The following VWF variants were observed in gnomAD, a reference collection of about 807,000 sequenced individuals.
The protein encoded by VWF is von Willebrand factor, also known as Factor VIII related antigen.
VWF carries 176 observed loss-of-function variants against 308.6 expected under a neutral mutation model. The observed-to-expected ratio is 0.57, with a 90% CI of 0.50 to 0.65. VWF has a LOEUF of 0.65. Among genes scored for constraint, VWF ranks in the 30% least tolerant of loss-of-function variants. The pLI, the probability that VWF is intolerant of heterozygous loss-of-function variation, is 0.00. For missense variants in VWF, 3,146 were observed against 3,648.2 expected, an observed-to-expected ratio of 0.86 and a Z score of 3.55; for synonymous variants, 1,385 against 1,443.4, an observed-to-expected ratio of 0.96 and a Z score of 0.92.
chr12:6,047,488 C>G (rs768634672), intron 16 of VWF, among the ~76,000 whole-genome samples: 1 of 152,206 alleles, frequency 6.6e-6, no homozygotes, highest in Non-Finnish European at 1.5e-5. Flanking sequence ...CTGCCACTGT[C>G]TTCTCCCTCA....
At chr12:6,006,192 T>A (rs548676711) in intron 34 of VWF, among the ~76,000 whole-genome samples, 1 of 152,162 alleles carries the variant, frequency 6.6e-6, no homozygotes, top group African/African-American at 2.4e-5. Context: ...TAGACTGTTA[T>A]AAGTATAGGC....
chr12:5,986,613 A>G (rs925829585), intron 38 of VWF, among the ~76,000 whole-genome samples: 5 of 152,108 alleles, frequency 3.3e-5, no homozygotes, highest in Admixed American at 2.6e-4. Context: ...CCCTTCCCCC[A>G]AAGTGCCCTG....
chr12:5,964,252 ATACATACATACATACATACATG>A (rs1943366114), intron 47 of VWF, among the ~76,000 whole-genome samples: 1 of 131,784 alleles, frequency 7.6e-6, no homozygotes, highest in African/African-American at 3.0e-5. Context: ...ACATACATGC[ATACATACATACATACATACATG>A]CATACATACA....
intron 6 of VWF, among the ~76,000 whole-genome samples, chr12:6,093,342 C>G (rs1565387048): frequency 6.6e-6 from 1 of 152,152 alleles, no homozygotes; most frequent in Non-Finnish European, 1.5e-5. Context: ...GGAGTTCCAC[C>G]TCCTTACCCA....
rs746949713 is a variant in VWF at position 6,111,013 on chromosome 12, A to G, written c.221-45T>C. ...ATAGTAGTGATTATTACTCCTCTCA[A>G]AAAATGAATACATTGATTAAGAATC... On this transcript the variant is annotated intron_variant, in intron 3 of 51. Coordinates refer to ENST00000261405, the MANE Select transcript of VWF (RefSeq NM_000552.5). The G allele has an allele frequency of 3.4e-6, 5 of 1,491,648 alleles. No homozygotes were observed. The South Asian group carries it at 5.6e-5, about 17-fold the overall frequency. 92.4% of individuals were successfully genotyped at this position (1,491,648 alleles called of 1,614,324 possible). A position where few individuals can be genotyped will look rare whatever the true frequency, so the allele number is the denominator to read the frequency against.
At chr12:6,113,478 T>C (rs1376696740) in intron 3 of VWF, among the ~76,000 whole-genome samples, 1 of 152,100 alleles carries the variant, frequency 6.6e-6, no homozygotes, top group Non-Finnish European at 1.5e-5. Context: ...GTTGTATTTT[T>C]AGTACAGATG....
intron 5 of VWF, among the ~76,000 whole-genome samples, chr12:6,097,308 G>A (rs895531984): frequency 6.6e-6 from 1 of 152,020 alleles, no homozygotes; most frequent in Admixed American, 6.6e-5. Context: ...ATGGTGGCAC[G>A]TGCCTGTAAT....
chr12:6,053,015 TC>T (rs1208855700), intron 15 of VWF, among the ~76,000 whole-genome samples: 3 of 152,232 alleles, frequency 2.0e-5, no homozygotes, highest in African/African-American at 4.8e-5. Context: ...GTCATCAACT[TC>T]CTTTCCCACT....
chr12:5,964,012 T>A (rs12307883), intron 47 of VWF, among the ~76,000 whole-genome samples: 2 of 151,706 alleles, frequency 1.3e-5, no homozygotes, highest in African/African-American at 2.4e-5. Flanking sequence ...TTGAGACCAT[T>A]CTGGTTAACA....
intron 3 of VWF, among the ~76,000 whole-genome samples, chr12:6,114,837 A>G (rs989089406): frequency 2.6e-5 from 4 of 152,046 alleles, no homozygotes; most frequent in Non-Finnish European, 4.4e-5. Flanking sequence ...CCTGAAGGGG[A>G]TGATTCAGGT....
At position 5,976,194 on chromosome 12, in the gene VWF, T is replaced by G; in HGVS notation, c.7354A>C (p.Thr2452Pro). 6.2e-7 allele frequency: 1 copy of G among 1,614,094 alleles called. No individual in the cohort carries two copies. The highest frequency in any genetic ancestry group is 8.5e-7 in the Non-Finnish European group (1 of 1,180,018). ...QFWEEGCDVC[T>P]CTDMEDAVMG... The stretch of plus-strand genomic sequence containing the variant: ...ACGGCATCCTCCATGTCGGTGCAGG[T>G]GCACACATCGCAGCCCTCCTCCCAG... Residue 2452 changes from threonine (T) to proline (P), a missense_variant, in exon 43 of 52, where the codon ACC becomes CCC. By Grantham distance (38) the Thr-to-Pro change is conservative (BLOSUM62 -1). Coordinates refer to ENST00000261405, the MANE Select transcript of VWF (RefSeq NM_000552.5).
Position 6,103,439 on chromosome 12 carries a change from TATAC to T in VWF, c.532+6931_532+6934del, listed in dbSNP as rs1280796006. Among the ~76,000 whole-genome samples, 102 of 125,838 alleles carry T rather than the reference TATAC, an allele frequency of 8.1e-4. 10 individuals are homozygous for T. The highest frequency in any genetic ancestry group is 3.4e-3 in the African/African-American group (92 of 27,002). The allele number at this position is 125,838 out of a possible 152,430, so 82.6% of individuals were successfully genotyped here. On this transcript the variant is annotated intron_variant, in intron 5 of 51. Transcript: ENST00000261405. Reference sequence around the variant, plus strand: ...ACGTGTGTGTATACACACGTGTGTATATACATACACATATATGTGTATATACACA... The same window carrying T: ...ACGTGTGTGTATACACACGTGTGTATATACACATATATGTGTATATACACA...
Position 6,063,802 on chromosome 12 carries a change from A to G in VWF, c.1432+444T>C, listed in dbSNP as rs1171094748. ...GGTAGGTTTTTTGCTACCTCTAGAC[A>G]GGCCAGAGGGTCACCTGGCCTCGCC... On this transcript the variant is annotated intron_variant, in intron 12 of 51. Transcript: ENST00000261405. This position sits in a 1 kb window ranked among gnomAD's most constrained non-coding sequence, Gnocchi z 4.9. 2.6e-5 allele frequency among the ~76,000 whole-genome samples: 4 copies of G among 152,116 alleles called. No homozygotes were observed. In the East Asian group the frequency reaches 7.7e-4, roughly 29 times the overall value.
At chr12:6,011,020 T>G (rs1397870262) in intron 34 of VWF, among the ~76,000 whole-genome samples, 1 of 152,226 alleles carries the variant, frequency 6.6e-6, no homozygotes, top group Admixed American at 6.5e-5. Context: ...AATACAGTTT[T>G]GATTGCATCC....
At chr12:5,950,259 G>A (rs1943170125) in intron 50 of VWF, among the ~76,000 whole-genome samples, 1 of 152,152 alleles carries the variant, frequency 6.6e-6, no homozygotes, top group Non-Finnish European at 1.5e-5. Context: ...GGGCAATGAA[G>A]TAGTCAATAA....
In VWF at chr12:5,971,628, G is replaced by C. The variant is rs368286307; in HGVS notation, c.7519C>G (p.Arg2507Gly). The C allele has an allele frequency of 6.2e-7, 1 of 1,614,162 alleles. No homozygotes were observed. Among genetic ancestry groups the C allele is most frequent in the Non-Finnish European group, 8.5e-7 (1 of 1,180,028 alleles). Residue 2507 changes from arginine (R) to glycine (G), a missense_variant, in exon 44 of 52, where the codon CGG becomes GGG. Around this residue, in one of 3 missense-constraint regions of VWF, gnomAD observed 989 missense variants for 1,117.4 expected, o/e 0.89. Coordinates refer to ENST00000261405, the MANE Select transcript of VWF (RefSeq NM_000552.5). ...SACEVVTGSP[R>G]GDSQSSWKSV... ...TTCCAGGAAGACTGGGAGTCCCCCC[G>C]CGGTGAGCCAGTCACCACCTCACAG...
At chr12:6,017,381 A>G (rs1256278981) in intron 28 of VWF, among the ~76,000 whole-genome samples, 1 of 152,224 alleles carries the variant, frequency 6.6e-6, no homozygotes, top group Non-Finnish European at 1.5e-5. Flanking sequence ...TGATGAAATG[A>G]TGTAATTGTT....
chr12:6,076,827 G>C (rs552588132), intron 6 of VWF, among the ~76,000 whole-genome samples: 8 of 152,350 alleles, frequency 5.3e-5, no homozygotes, highest in Non-Finnish European at 1.0e-4. Context: ...GGCCAGGCCT[G>C]TGGGCCTCCT....
intron 34 of VWF, among the ~76,000 whole-genome samples, chr12:6,005,433 A>G (rs1013822399): frequency 1.7e-4 from 26 of 152,330 alleles, no homozygotes; most frequent in African/African-American, 6.3e-4. Flanking sequence ...AAATATTTAA[A>G]ATAACGAATA....
Sources: allele counts gnomAD v4.1 joint callset (sites outside exome capture counted in the v4.1 genomes callset), GRCh38; gene constraint gnomAD v4.1.1; regional missense constraint gnomAD v4.1.1; non-coding constraint Gnocchi (gnomAD v3.1); transcripts MANE v1.5; gene names NCBI Gene and HGNC (gene_info 2026-07-23, HGNC 2026-07-21).